Variants in PLA2G4A observed in about 807,000 individuals in gnomAD.
PLA2G4A encodes the protein phospholipase A2 group IVA.
Under a neutral mutation model 81.9 loss-of-function variants are expected in PLA2G4A, and 40 were observed. The ratio of observed to expected loss-of-function variants is 0.49; its 90% CI spans 0.38 to 0.64. The LOEUF is 0.64. Among genes scored for constraint, PLA2G4A ranks in the 30% least tolerant of loss-of-function variants. The pLI, the probability that PLA2G4A is intolerant of heterozygous loss-of-function variation, is 0.00. For synonymous variants in PLA2G4A, 302 were observed against 296.9 expected (o/e 1.02, Z -0.18); for missense variants, 715 against 905.1 (o/e 0.79, Z 2.69).
rs141166496 is a variant in PLA2G4A at position 186,949,400 on chromosome 1, G to GAAA, written c.1265-1256_1265-1254dup. On this transcript the variant is annotated intron_variant, in intron 12 of 17. Coordinates refer to ENST00000367466, the MANE Select transcript of PLA2G4A (RefSeq NM_024420.3). ...GAAAGAAAGAAAGAAAAAAGAAAAA[G>GAAA]AAAGAAGAAAGAAAGAAAGGCAATA... 2.6e-4 allele frequency among the ~76,000 whole-genome samples: 4 copies of GAAA among 15,100 alleles called. 1 individual carries two copies. In the East Asian group the frequency reaches 0.02, roughly 77 times the overall value. The allele number at this position is 15,100 out of a possible 152,430, so 9.9% of individuals were successfully genotyped here. A position where few individuals can be genotyped will look rare whatever the true frequency, so the allele number is the denominator to read the frequency against.
At chr1:186,906,789 T>G (rs1225601649) in intron 5 of PLA2G4A, among the ~76,000 whole-genome samples, 176 bp from the exon 6 acceptor site, 1 of 152,230 alleles carries the variant, frequency 6.6e-6, no homozygotes, top group Non-Finnish European at 1.5e-5. Context: ...AAAAGTTGGT[T>G]TACTGAAATA....
intron 3 of PLA2G4A, among the ~76,000 whole-genome samples, chr1:186,891,249 C>T (rs890769969): frequency 2.0e-5 from 3 of 151,950 alleles, no homozygotes; most frequent in African/African-American, 7.3e-5. Flanking sequence ...AAAGTAATCA[C>T]ATCATGGAGA....
chr1:186,890,056 G>A (rs890437267), intron 3 of PLA2G4A, among the ~76,000 whole-genome samples: 1 of 152,170 alleles, frequency 6.6e-6, no homozygotes. Flanking sequence ...ATTATAGCGC[G>A]ATTGTGAGAT....
At chr1:186,954,435 G>A (rs780560423) in intron 13 of PLA2G4A, among the ~76,000 whole-genome samples, 5 of 152,070 alleles carry the variant, frequency 3.3e-5, no homozygotes, top group African/African-American at 1.2e-4. Flanking sequence ...ACCAGGGCCT[G>A]TCAGGGTGTG....
At chr1:186,835,750 T>G (rs1161331324) in intron 1 of PLA2G4A, among the ~76,000 whole-genome samples, 1 of 152,242 alleles carries the variant, frequency 6.6e-6, no homozygotes, top group African/African-American at 2.4e-5. Context: ...TTTAAAATAC[T>G]GTTATATCCC....
At chr1:186,833,530 A>G (rs921933518) in intron 1 of PLA2G4A, among the ~76,000 whole-genome samples, 9 of 152,290 alleles carry the variant, frequency 5.9e-5, no homozygotes, top group East Asian at 1.9e-4. Flanking sequence ...AGTTGGGGGA[A>G]CCAAAAGGTT....
chr1:186,951,822 C>G (rs1389621724), intron 13 of PLA2G4A, among the ~76,000 whole-genome samples: 1 of 152,088 alleles, frequency 6.6e-6, no homozygotes, highest in African/African-American at 2.4e-5. Context: ...GATTCCTTCC[C>G]TGGGCAGCCA....
intron 1 of PLA2G4A, among the ~76,000 whole-genome samples, chr1:186,851,637 G>T (rs1298264147): frequency 6.6e-6 from 1 of 151,682 alleles, no homozygotes; most frequent in Non-Finnish European, 1.5e-5. Context: ...GCTGATAATG[G>T]GAAGTGCTGA....
At chr1:186,882,715 T>C (rs545367838) in intron 3 of PLA2G4A, among the ~76,000 whole-genome samples, 1 of 152,216 alleles carries the variant, frequency 6.6e-6, no homozygotes, top group South Asian at 2.1e-4. Context: ...GTGGTTGCAT[T>C]ATAGAAGGTG....
chr1:186,941,107 C>T (rs891048917), intron 10 of PLA2G4A, among the ~76,000 whole-genome samples: 1 of 111,966 alleles, frequency 8.9e-6, no homozygotes, highest in African/African-American at 4.2e-5. Context: ...AGCGAGACTC[C>T]GTCTCAAAAA....
chr1:186,873,078 A>T (rs1653341425), intron 3 of PLA2G4A, among the ~76,000 whole-genome samples: 1 of 151,982 alleles, frequency 6.6e-6, no homozygotes, highest in African/African-American at 2.4e-5. Flanking sequence ...AGTGCACAAG[A>T]GTCGGGAAGA....
At chr1:186,889,238 G>A (rs1654048580) in intron 3 of PLA2G4A, among the ~76,000 whole-genome samples, 1 of 152,180 alleles carries the variant, frequency 6.6e-6, no homozygotes, top group African/African-American at 2.4e-5. Flanking sequence ...AAATGAGAAT[G>A]ACTGGCTTTC....
chr1:186,858,743 A>C (rs1652685450), intron 2 of PLA2G4A, among the ~76,000 whole-genome samples: 1 of 152,124 alleles, frequency 6.6e-6, no homozygotes, highest in Admixed American at 6.6e-5. Flanking sequence ...AACATGAATA[A>C]ACCATATATT....
chr1:186,847,570 A>T (rs76172461), intron 1 of PLA2G4A, among the ~76,000 whole-genome samples: 8,701 of 152,230 alleles, frequency 0.057, 364 homozygotes, highest in Non-Finnish European at 0.086. Context: ...ACTAAAATGG[A>T]TAGTGAAACA....
chr1:186,894,834 A>G (rs1243261514), intron 5 of PLA2G4A, among the ~76,000 whole-genome samples: 1 of 152,252 alleles, frequency 6.6e-6, no homozygotes, highest in Non-Finnish European at 1.5e-5. Flanking sequence ...TTTGTACAGA[A>G]TAAACTCATT....
chr1:186,981,478 A>T (rs1657715790), intron 17 of PLA2G4A, among the ~76,000 whole-genome samples: 1 of 152,206 alleles, frequency 6.6e-6, no homozygotes, highest in Admixed American at 6.5e-5. Context: ...AACTGTCCCG[A>T]CCTATACACC....
chr1:186,949,806 G>T (rs1656488574), intron 12 of PLA2G4A, among the ~76,000 whole-genome samples: 1 of 151,614 alleles, frequency 6.6e-6, no homozygotes, highest in Admixed American at 6.6e-5. Context: ...ATGATCACTT[G>T]AGTCCAGGAG....
At chr1:186,936,204 AC>A (rs1165632184) in intron 8 of PLA2G4A, among the ~76,000 whole-genome samples, 1 of 151,986 alleles carries the variant, frequency 6.6e-6, no homozygotes, top group East Asian at 1.9e-4. Context: ...TATTGAACTA[AC>A]TAAAATAGAA....
chr1:186,958,040 A>C (rs1656814970), intron 14 of PLA2G4A, among the ~76,000 whole-genome samples: 1 of 152,100 alleles, frequency 6.6e-6, no homozygotes, highest in Admixed American at 6.5e-5. Context: ...ATAGCTTTGG[A>C]TTTTGTTGTT....
Sources: gnomAD v4.1 joint callset for allele counts (sites outside exome capture counted in the v4.1 genomes callset) on GRCh38, gnomAD v4.1.1 for gene constraint, MANE v1.5 for transcripts, NCBI Gene and HGNC (gene_info 2026-07-23, HGNC 2026-07-21) for gene names.